The following IL10RA variants were observed in gnomAD, a reference collection of about 807,000 sequenced individuals.
IL10RA encodes interleukin-10 receptor subunit alpha.
IL10RA carries 18 observed loss-of-function variants against 29.6 expected under a neutral mutation model. That is an observed-to-expected ratio of 0.61 (90% CI 0.42 to 0.90). The LOEUF is 0.90. Ranked by LOEUF, IL10RA falls within the 40% of genes least tolerant of loss-of-function variation. IL10RA has a pLI of 0.00. For synonymous variants in IL10RA, 292 were observed against 294.1 expected (o/e 0.99, Z 0.07); for missense variants, 634 against 716.6 (o/e 0.88, Z 1.32).
At position 117,993,430 on chromosome 11, in the gene IL10RA, C is replaced by T. The variant is rs757245452; in HGVS notation, c.537+20C>T. On this transcript the variant is annotated intron_variant, in intron 4 of 6. Coordinates refer to ENST00000227752, the MANE Select transcript of IL10RA (RefSeq NM_001558.4). ...TTCACGGTATGGGGTTCCCCAAGGC[C>T]CCAGGGCCAGAACTCCCTTGGCTTC... 6.2e-7 allele frequency: 1 copy of T among 1,611,238 alleles called. No homozygotes were observed.
In IL10RA at chr11:118,001,348, A is replaced by G. The variant is rs2058094340; in HGVS notation, c.*1707A>G. ...GAGCCTCAGTTTCCTCATCTGCAGA[A>G]TAATGACTGACTTGTCTAATTCGTA... On this transcript the variant is annotated 3_prime_UTR_variant, in exon 7 of 7. Coordinates refer to ENST00000227752, the MANE Select transcript of IL10RA (RefSeq NM_001558.4). The G allele has an allele frequency of 4.4e-6, 2 of 454,224 alleles. No individual in the cohort carries two copies. The highest frequency in any genetic ancestry group is 8.8e-6 in the Non-Finnish European group (2 of 226,810). The allele number at this position is 454,224 out of a possible 1,614,324, so 28.1% of individuals were successfully genotyped here.
At chr11:117,996,359 T>A (rs1565372951) in intron 6 of IL10RA, among the ~76,000 whole-genome samples, 1 of 152,212 alleles carries the variant, frequency 6.6e-6, no homozygotes, top group East Asian at 1.9e-4. Context: ...GTCCTCTTGC[T>A]ACATTGTACT....
At chr11:117,993,903 G>T (rs2058040052) in intron 4 of IL10RA, 96 bp from the exon 5 acceptor site, 13 of 972,930 alleles carry the variant, frequency 1.3e-5, no homozygotes, top group Non-Finnish European at 2.1e-5. Context: ...TACTGAAGGG[G>T]GTTGGCTGAA....
At chr11:117,991,589 A>G (rs969884000) in intron 3 of IL10RA, among the ~76,000 whole-genome samples, 4 of 152,002 alleles carry the variant, frequency 2.6e-5, no homozygotes, top group Non-Finnish European at 5.9e-5. Context: ...AACCACTTCT[A>G]CTCTCTACTT....
rs751746511 is a variant in IL10RA, at chr11:117,986,429, C to G, written c.-39C>G. The G allele has an allele frequency of 1.1e-5, 17 of 1,541,612 alleles. No individual in the cohort carries two copies. The highest frequency in any genetic ancestry group is 4.1e-5 in the African/African-American group (3 of 72,832). ...CAAGGGTAGCTGGAGGCGCGCAGGC[C>G]GGCTCCGCTCCGGCCCCGGACGATG... On this transcript the variant is annotated 5_prime_UTR_variant, in exon 1 of 7. Coordinates refer to ENST00000227752, the MANE Select transcript of IL10RA (RefSeq NM_001558.4).
At position 118,001,157 on chromosome 11, in the gene IL10RA, C is replaced by G; in HGVS notation, c.*1516C>G. 1 of 454,260 alleles carries G rather than the reference C, an allele frequency of 2.2e-6. No individual in the cohort carries two copies. The highest frequency in any genetic ancestry group is 4.4e-6 in the Non-Finnish European group (1 of 226,786). 28.1% of individuals were successfully genotyped at this position (454,260 alleles called of 1,614,324 possible). A position where few individuals can be genotyped will look rare whatever the true frequency, so the allele number is the denominator to read the frequency against. On this transcript the variant is annotated 3_prime_UTR_variant, in exon 7 of 7. Transcript: ENST00000227752. ...TGGAGGCAGGCTTGAGGGAGGATTC[C>G]TCAGGGTTCCCTTGAAAGCTTTATT...
chr11:117,988,632 A>G (rs1158969363), intron 2 of IL10RA, 130 bp downstream of exon 2: 2 of 1,034,490 alleles, frequency 1.9e-6, no homozygotes. Flanking sequence ...CATAGCCAGC[A>G]GTTGACAAGT....
At position 117,989,709 on chromosome 11, in the gene IL10RA, G is replaced by T; in HGVS notation, c.367+89G>T. 1 of 1,331,300 alleles carries T rather than the reference G, an allele frequency of 7.5e-7. No individual in the cohort carries two copies. The highest frequency in any genetic ancestry group is 1.1e-6 in the Non-Finnish European group (1 of 948,330). 82.5% of individuals were successfully genotyped at this position (1,331,300 alleles called of 1,614,324 possible). A position where few individuals can be genotyped will look rare whatever the true frequency, so the allele number is the denominator to read the frequency against. ...TAGAGCTTTTCTGTCTATTACCATA[G>T]CTCACCATGTCTGCCAGCCTCCCTG... On this transcript the variant is annotated intron_variant, in intron 3 of 6. Transcript: ENST00000227752. This position sits in a 1 kb window ranked among gnomAD's most constrained non-coding sequence, Gnocchi z 4.5.
Position 117,995,617 on chromosome 11 carries a change from C to A in IL10RA, c.717C>A (p.Phe239Leu), listed in dbSNP as rs757734410. 1.9e-6 allele frequency: 3 copies of A among 1,614,114 alleles called. No individual in the cohort carries two copies. The highest frequency in any genetic ancestry group is 2.2e-5 in the East Asian group (1 of 44,904). The change falls in exon 6 of 7, where the codon TTC becomes TTA. Residue 239 changes from phenylalanine to leucine, a missense_variant. Phe to Leu is a conservative substitution (Grantham distance 22). Coordinates refer to ENST00000227752, the MANE Select transcript of IL10RA (RefSeq NM_001558.4). Reference protein sequence around the residue: ...QYFTVTNVIIFFAFVLLLSGA... With the variant: ...QYFTVTNVIILFAFVLLLSGA... Reference sequence around the variant, plus strand: ...TCACCGTGACCAACGTCATCATCTTCTTTGCCTTTGTCCTGCTGCTCTCCG... The same window carrying A: ...TCACCGTGACCAACGTCATCATCTTATTTGCCTTTGTCCTGCTGCTCTCCG...
At chr11:117,986,648 C>T (rs1011592442) in intron 1 of IL10RA, 114 bp downstream of exon 1, 4 of 1,538,558 alleles carry the variant, frequency 2.6e-6, no homozygotes, top group South Asian at 2.4e-5. Flanking sequence ...GAGCGGTGCC[C>T]GGGTGCTCCC....
rs1207720023 is a variant in IL10RA, at chr11:117,989,472, C to T, written c.219C>T (p.Ser73=). The change falls in exon 3 of 7, where the codon TCC becomes TCT. Residue 73 remains serine, a synonymous_variant. Transcript: ENST00000227752. The surrounding 1 kb of genome is among the most constrained non-coding windows in gnomAD (Gnocchi z 4.5). ...RYGIESWNSI[S]NCSQTLSYDL... ...GAATAGAGTCCTGGAACTCCATCTC[C>T]AACTGTAGCCAGACCCTGTCCTATG... 5.0e-6 allele frequency: 8 copies of T among 1,614,096 alleles called. No homozygotes were observed. The East Asian group carries it at 1.6e-4, about 31-fold the overall frequency.
chr11:117,997,513 G>C (rs1439384757), intron 6 of IL10RA, among the ~76,000 whole-genome samples: 1 of 152,192 alleles, frequency 6.6e-6, no homozygotes, highest in Non-Finnish European at 1.5e-5. Flanking sequence ...TAGGAATAGG[G>C]ACTCAACCAA....
intron 3 of IL10RA, among the ~76,000 whole-genome samples, chr11:117,991,936 T>C (rs1016400128): frequency 6.6e-6 from 1 of 152,166 alleles, no homozygotes; most frequent in Non-Finnish European, 1.5e-5. Context: ...GGTTTCACCA[T>C]GTTGGCCAGG....
intron 3 of IL10RA, among the ~76,000 whole-genome samples, chr11:117,990,003 G>A (rs1318845644): frequency 2.0e-5 from 3 of 152,076 alleles, no homozygotes; most frequent in South Asian, 2.1e-4. Flanking sequence ...GCTTCTTTAG[G>A]GGTGAACACC....
rs1212051118 is a variant in IL10RA at position 117,989,988 on chromosome 11, G to A, written c.367+368G>A. On this transcript the variant is annotated intron_variant, in intron 3 of 6. Coordinates refer to ENST00000227752, the MANE Select transcript of IL10RA (RefSeq NM_001558.4). This position sits in a 1 kb window ranked among gnomAD's most constrained non-coding sequence, Gnocchi z 4.5. ...AGCAGTAGGCAGAATTTGGGTGAAC[G>A]CCCCGCTTCTTTAGGGGTGAACACC... Among the ~76,000 whole-genome samples the A allele has an allele frequency of 2.0e-5, 3 of 152,034 alleles. No individual in the cohort carries two copies. Among genetic ancestry groups the A allele is most frequent in the East Asian group, 3.9e-4 (2 of 5,178 alleles).
chr11:117,999,600 G>A lies in IL10RA; in HGVS notation c.1696G>A (p.Val566Ile). 1 of 1,614,178 alleles carries A rather than the reference G, an allele frequency of 6.2e-7. No homozygotes were observed. The highest frequency in any genetic ancestry group is 8.5e-7 in the Non-Finnish European group (1 of 1,180,022). Reference sequence around the variant, plus strand: ...CCTGGGCAGCTTTAACTCAGACCTGGTCACCCTGCCCCTCATCTCTAGCCT... The same window carrying A: ...CCTGGGCAGCTTTAACTCAGACCTGATCACCCTGCCCCTCATCTCTAGCCT... ...GLLGSFNSDL[V>I]TLPLISSLQS... Residue 566 changes from valine (V) to isoleucine (I), a missense_variant, in exon 7 of 7, where the codon GTC (valine) becomes ATC (isoleucine). Physicochemically the swap from Val to Ile is conservative, Grantham distance 29. Transcript: ENST00000227752.
intron 3 of IL10RA, among the ~76,000 whole-genome samples, chr11:117,991,906 T>G (rs1035785447): frequency 1.3e-5 from 2 of 152,160 alleles, no homozygotes; most frequent in Admixed American, 6.5e-5. Context: ...GGCTAATTTT[T>G]GTATTTTTAA....
Position 117,989,332 on chromosome 11 carries a change from C to T in IL10RA, c.189-110C>T. 4.1e-6 allele frequency: 4 copies of T among 977,062 alleles called. No individual in the cohort carries two copies. The East Asian group carries it at 7.2e-5, about 18-fold the overall frequency. The allele number at this position is 977,062 out of a possible 1,614,324, so 60.5% of individuals were successfully genotyped here. A position where few individuals can be genotyped will look rare whatever the true frequency, so the allele number is the denominator to read the frequency against. ...CTAGAGGATATAGCCTGAGGGCTGT[C>T]CCAGTTTCTCCCAATGTGGGAGCTC... is the stretch of plus-strand genomic sequence containing the variant. On this transcript the variant is annotated intron_variant, in intron 2 of 6. Coordinates refer to ENST00000227752, the MANE Select transcript of IL10RA (RefSeq NM_001558.4). This position sits in a 1 kb window ranked among gnomAD's most constrained non-coding sequence, Gnocchi z 4.5.
chr11:117,986,878 G>A, intron 1 of IL10RA: 2 of 1,344,770 alleles, frequency 1.5e-6, no homozygotes, highest in Non-Finnish European at 2.0e-6. Context: ...TCCCCTTGGG[G>A]AATAATTTTG....
Sources: gnomAD v4.1 joint callset for allele counts (sites outside exome capture counted in the v4.1 genomes callset) on GRCh38, gnomAD v4.1.1 for gene constraint, Gnocchi (gnomAD v3.1) non-coding constraint, MANE v1.5 for transcripts, NCBI Gene and HGNC (gene_info 2026-07-23, HGNC 2026-07-21) for gene names.